CCSER1: variants seen among roughly 807,000 people sequenced by gnomAD.
CCSER1 encodes the protein coiled-coil serine rich protein 1.
Under a neutral mutation model 82.0 loss-of-function variants are expected in CCSER1, and 41 were observed. The ratio of observed to expected loss-of-function variants is 0.50; its 90% CI spans 0.39 to 0.65. The LOEUF (loss-of-function observed/expected upper bound fraction) is 0.65, where lower values mean the gene tolerates loss of function less well. Ranked by LOEUF, CCSER1 falls within the 30% of genes least tolerant of loss-of-function variation. CCSER1 has a pLI of 0.00. For missense variants in CCSER1, 1,119 were observed against 1,064.2 expected (o/e 1.05, Z -0.72); for synonymous variants, 414 against 383.9 (o/e 1.08, Z -0.92).
intron 10 of CCSER1, among the ~76,000 whole-genome samples, chr4:91,121,636 A>C (rs1727098395): frequency 6.6e-6 from 1 of 151,688 alleles, no homozygotes; most frequent in Non-Finnish European, 1.5e-5. Flanking sequence ...TTAGTATCTA[A>C]TCATAAATAT....
At chr4:91,326,610 A>G (rs577643092) in intron 10 of CCSER1, among the ~76,000 whole-genome samples, 2 of 152,214 alleles carry the variant, frequency 1.3e-5, no homozygotes, top group East Asian at 3.9e-4. Flanking sequence ...ATTTCAAAAC[A>G]CAATCATGCC....
chr4:91,288,980 GGGATATGACTA>G (rs1390377657), intron 10 of CCSER1, among the ~76,000 whole-genome samples: 1 of 152,020 alleles, frequency 6.6e-6, no homozygotes, highest in Non-Finnish European at 1.5e-5. Context: ...AAATAACAAT[GGGATATGACTA>G]GGAAAGTCAC....
At chr4:90,817,253 A>T (rs1759142937) in intron 8 of CCSER1, among the ~76,000 whole-genome samples, 1 of 152,110 alleles carries the variant, frequency 6.6e-6, no homozygotes, top group Non-Finnish European at 1.5e-5. Flanking sequence ...ATCAATTTTA[A>T]CATAGCAGAG....
At chr4:91,093,058 A>T (rs1419261751) in intron 10 of CCSER1, among the ~76,000 whole-genome samples, 1 of 152,212 alleles carries the variant, frequency 6.6e-6, no homozygotes, top group Non-Finnish European at 1.5e-5. Flanking sequence ...TTAGAAAGGC[A>T]TATCAAGAGT....
intron 1 of CCSER1, among the ~76,000 whole-genome samples, chr4:90,287,062 G>A (rs911390330): frequency 3.3e-5 from 5 of 151,862 alleles, no homozygotes; most frequent in African/African-American, 1.2e-4. Context: ...GTATGAATGA[G>A]TTTTTAGGTT....
chr4:90,622,263 A>ATGTT (rs113866377), intron 5 of CCSER1, among the ~76,000 whole-genome samples: 4,329 of 152,080 alleles, frequency 0.028, 200 homozygotes, highest in African/African-American at 0.1. Context: ...TGGCGACCTG[A>ATGTT]TGTTTGTTTG....
At chr4:91,267,549 A>G (rs1489563059) in intron 10 of CCSER1, among the ~76,000 whole-genome samples, 1 of 152,234 alleles carries the variant, frequency 6.6e-6, no homozygotes, top group East Asian at 1.9e-4. Flanking sequence ...GCCAGAGAAG[A>G]GAACTCTAAA....
chr4:91,415,690 C>T (rs576201690), intron 10 of CCSER1, among the ~76,000 whole-genome samples: 14 of 151,968 alleles, frequency 9.2e-5, no homozygotes, highest in African/African-American at 1.4e-4. Context: ...GTATTTATTT[C>T]GTTTATGTGA....
chr4:90,978,327 TCTTAGAACAATG>T (rs1368860740), intron 9 of CCSER1, among the ~76,000 whole-genome samples: 1 of 151,660 alleles, frequency 6.6e-6, no homozygotes, highest in African/African-American at 2.4e-5. Flanking sequence ...TACACAAAGC[TCTTAGAACAATG>T]TTGAATGTAT....
chr4:90,483,193 AC>A (rs1249355668), intron 5 of CCSER1, among the ~76,000 whole-genome samples: 2 of 151,980 alleles, frequency 1.3e-5, no homozygotes, highest in African/African-American at 4.8e-5. Flanking sequence ...TAGGATTGCA[AC>A]CCCTGCCTTT....
intron 10 of CCSER1, among the ~76,000 whole-genome samples, chr4:91,315,177 G>A (rs1173416621): frequency 1.5e-5 from 2 of 137,304 alleles, no homozygotes; most frequent in Admixed American, 7.4e-5. Context: ...GTGTGTGTGT[G>A]TGTAAGTGTG....
chr4:90,206,394 T>C (rs1738842483), intron 1 of CCSER1, among the ~76,000 whole-genome samples: 1 of 152,184 alleles, frequency 6.6e-6, no homozygotes, highest in African/African-American at 2.4e-5. Flanking sequence ...TCTGGTACGT[T>C]GTGTCTTGGT....
At chr4:90,615,786 G>A (rs1195048984) in intron 5 of CCSER1, among the ~76,000 whole-genome samples, 1 of 151,860 alleles carries the variant, frequency 6.6e-6, no homozygotes, top group East Asian at 1.9e-4. Flanking sequence ...AGTGGATAAA[G>A]CTGGGGCAGG....
intron 7 of CCSER1, among the ~76,000 whole-genome samples, chr4:90,739,049 C>T (rs1202704934): frequency 6.6e-6 from 1 of 152,220 alleles, no homozygotes; most frequent in Non-Finnish European, 1.5e-5. Flanking sequence ...TACCCATAGC[C>T]ACCACAGCTG....
chr4:91,511,704 T>G (rs961603797), intron 10 of CCSER1, among the ~76,000 whole-genome samples: 1 of 152,184 alleles, frequency 6.6e-6, no homozygotes, highest in African/African-American at 2.4e-5. Context: ...ATGCTCCTTA[T>G]GAGAATCTAA....
At chr4:91,245,778 C>T (rs773250323) in intron 10 of CCSER1, among the ~76,000 whole-genome samples, 1 of 152,164 alleles carries the variant, frequency 6.6e-6, no homozygotes, top group Non-Finnish European at 1.5e-5. Context: ...CTCACTGTAA[C>T]CTCTGCCTCC....
chr4:90,937,318 A>G (rs556959258), intron 9 of CCSER1, among the ~76,000 whole-genome samples: 5 of 152,260 alleles, frequency 3.3e-5, no homozygotes, highest in Admixed American at 2.0e-4. Context: ...ACTACCAAGA[A>G]CATTCAACTC....
intron 3 of CCSER1, among the ~76,000 whole-genome samples, chr4:90,398,096 C>A (rs999740633): frequency 6.6e-6 from 1 of 152,144 alleles, no homozygotes; most frequent in Non-Finnish European, 1.5e-5. Flanking sequence ...CCTTGGCTTG[C>A]AAATGACCTA....
intron 5 of CCSER1, among the ~76,000 whole-genome samples, chr4:90,566,259 A>C (rs111322582): frequency 6.6e-6 from 1 of 152,038 alleles, no homozygotes; most frequent in East Asian, 1.9e-4. Flanking sequence ...TAGTTTTATT[A>C]ATAGTGTCTT....
Sources: allele counts gnomAD v4.1 joint callset (sites outside exome capture counted in the v4.1 genomes callset), GRCh38; gene constraint gnomAD v4.1.1; transcripts MANE v1.5; gene names NCBI Gene and HGNC (gene_info 2026-07-23, HGNC 2026-07-21).